ELMO1: variants seen among roughly 807,000 people sequenced by gnomAD.
ELMO1 encodes engulfment and cell motility 1, also known as engulfment and cell motility protein 1.
In ELMO1, 26 loss-of-function variants were observed where a neutral mutation model predicts 98.9. The observed-to-expected ratio is 0.26, with a 90% CI of 0.19 to 0.36. The LOEUF (loss-of-function observed/expected upper bound fraction) is 0.36. Ranked by LOEUF, ELMO1 falls within the 10% of genes least tolerant of loss-of-function variation. ELMO1 has a pLI of 1.00. For missense variants in ELMO1, 627 were observed against 935.2 expected (o/e 0.67, Z 4.30); for synonymous variants, 346 against 346.0 (o/e 1.00, Z 0.00).
intron 21 of ELMO1, among the ~76,000 whole-genome samples, chr7:36,857,265 G>C (rs558138618): frequency 6.6e-6 from 1 of 152,188 alleles, no homozygotes; most frequent in East Asian, 1.9e-4. Context: ...TTCTGAACAT[G>C]TCTAACCATC....
chr7:36,891,692 A>G (rs73338234), intron 17 of ELMO1, among the ~76,000 whole-genome samples: 24,329 of 152,236 alleles, frequency 0.16, 2,059 homozygotes, highest in South Asian at 0.25. Context: ...TCCTTATGAC[A>G]ATCCAATGAT....
intron 2 of ELMO1, among the ~76,000 whole-genome samples, chr7:37,336,800 G>A (rs1800438596): frequency 6.6e-6 from 1 of 152,088 alleles, no homozygotes; most frequent in Non-Finnish European, 1.5e-5. Flanking sequence ...ATTAAAATAA[G>A]CATGGAACAA....
intron 4 of ELMO1, among the ~76,000 whole-genome samples, chr7:37,280,690 TA>T (rs144707879): frequency 1.3e-5 from 2 of 151,170 alleles, no homozygotes; most frequent in Non-Finnish European, 3.0e-5. Context: ...ATCAAAAAAA[TA>T]AAAAAAACAG....
chr7:37,192,990 T>TAG, intron 13 of ELMO1, among the ~76,000 whole-genome samples: 1 of 68,602 alleles, frequency 1.5e-5, no homozygotes, highest in East Asian at 5.1e-4. Flanking sequence ...TATATATATA[T>TAG]ATATATATAT....
rs116172372 is a variant in ELMO1, at chr7:36,925,946, C to T, written c.1438-30929G>A. Among the ~76,000 whole-genome samples, 640 of 152,220 alleles carry T rather than the reference C, an allele frequency of 4.2e-3. 6 individuals carry two copies. The highest frequency in any genetic ancestry group is 0.014 in the African/African-American group (593 of 41,542). On this transcript the variant is annotated intron_variant, in intron 16 of 21. Coordinates refer to ENST00000310758, the MANE Select transcript of ELMO1 (RefSeq NM_014800.11). ...CTCTTTTTCAGTGCAGACCCAGCAG[C>T]GACACCCAGGACTGACTACAGATGA...
chr7:37,352,928 C>G (rs1354468992), intron 1 of ELMO1: 1 of 152,216 alleles, frequency 6.6e-6, no homozygotes, highest in Non-Finnish European at 1.5e-5. Context: ...CAGCCTGCAT[C>G]CAGGTACCAC....
At chr7:36,953,542 T>C (rs1788173522) in intron 16 of ELMO1, among the ~76,000 whole-genome samples, 1 of 152,098 alleles carries the variant, frequency 6.6e-6, no homozygotes, top group Non-Finnish European at 1.5e-5. Context: ...CTTTTAAAGG[T>C]TTTTCTAAGC....
chr7:37,288,695 G>C (rs1364681609), intron 4 of ELMO1, among the ~76,000 whole-genome samples: 2 of 152,216 alleles, frequency 1.3e-5, no homozygotes, highest in East Asian at 1.9e-4. Context: ...CACAAATCTT[G>C]ATGGCGGAAT....
intron 13 of ELMO1, among the ~76,000 whole-genome samples, chr7:37,162,565 T>C (rs1226375767): frequency 6.6e-6 from 1 of 152,178 alleles, no homozygotes; most frequent in Non-Finnish European, 1.5e-5. Flanking sequence ...TACAAATATA[T>C]ACCATAATGA....
intron 20 of ELMO1, among the ~76,000 whole-genome samples, chr7:36,862,490 T>G (rs1453984757): frequency 1.3e-5 from 2 of 152,254 alleles, no homozygotes; most frequent in Non-Finnish European, 2.9e-5. Flanking sequence ...GAATGACCAA[T>G]GACCAAGGCA....
At chr7:36,933,317 G>A (rs796691540) in intron 16 of ELMO1, among the ~76,000 whole-genome samples, 53 of 152,240 alleles carry the variant, frequency 3.5e-4, no homozygotes, top group African/African-American at 1.2e-3. Context: ...TTGGTCCAAG[G>A]TGCCCCAGAC....
intron 4 of ELMO1, among the ~76,000 whole-genome samples, chr7:37,301,392 TGAAAA>T (rs938751740): frequency 6.6e-6 from 1 of 151,988 alleles, no homozygotes; most frequent in African/African-American, 2.4e-5. Flanking sequence ...CCTAATGAAA[TGAAAA>T]ATCTCAGATA....
At chr7:37,064,378 A>G (rs1256837614) in intron 15 of ELMO1, among the ~76,000 whole-genome samples, 3 of 152,192 alleles carry the variant, frequency 2.0e-5, no homozygotes, top group Admixed American at 2.0e-4. Flanking sequence ...TCTGCGATGC[A>G]GTAGAAACTG....
intron 14 of ELMO1, among the ~76,000 whole-genome samples, chr7:37,118,387 A>T (rs1354901460): frequency 6.6e-6 from 1 of 152,166 alleles, no homozygotes; most frequent in East Asian, 1.9e-4. Context: ...TTTAAAACTC[A>T]CAACAGGAGA....
intron 1 of ELMO1, among the ~76,000 whole-genome samples, chr7:37,440,206 G>A (rs1284110059): frequency 6.6e-6 from 1 of 152,134 alleles, no homozygotes; most frequent in Non-Finnish European, 1.5e-5. Flanking sequence ...CACTTTGGGA[G>A]GCCAAGGCAG....
intron 13 of ELMO1, among the ~76,000 whole-genome samples, chr7:37,157,349 T>C (rs1225502302): frequency 4.6e-5 from 7 of 152,166 alleles, no homozygotes; most frequent in African/African-American, 1.7e-4. Flanking sequence ...TAAAGGCTAT[T>C]CAATTAGGAA....
At chr7:37,378,201 G>T (rs758097673) in intron 1 of ELMO1, among the ~76,000 whole-genome samples, 1 of 152,184 alleles carries the variant, frequency 6.6e-6, no homozygotes, top group Non-Finnish European at 1.5e-5. Context: ...CTGGGATGGG[G>T]ACTCTGCCCT....
At chr7:37,104,629 T>C (rs914729854) in intron 14 of ELMO1, among the ~76,000 whole-genome samples, 1 of 152,194 alleles carries the variant, frequency 6.6e-6, no homozygotes, top group African/African-American at 2.4e-5. Context: ...CCATGGTATG[T>C]CCAGGCTGCG....
At chr7:37,214,788 G>A (rs754666086) in intron 11 of ELMO1, among the ~76,000 whole-genome samples, 1 of 152,152 alleles carries the variant, frequency 6.6e-6, no homozygotes, top group Non-Finnish European at 1.5e-5. Flanking sequence ...TTAGCAACTC[G>A]AAAGTACTGC....
Sources: allele counts gnomAD v4.1 joint callset (sites outside exome capture counted in the v4.1 genomes callset), GRCh38; gene constraint gnomAD v4.1.1; transcripts MANE v1.5; gene names NCBI Gene and HGNC (gene_info 2026-07-23, HGNC 2026-07-21).